KIAA0825: variants seen among roughly 807,000 people sequenced by gnomAD.
KIAA0825 encodes the protein uncharacterized protein KIAA0825.
In KIAA0825, 119 loss-of-function variants were observed where a neutral mutation model predicts 147.6. The observed-to-expected ratio is 0.81, with a 90% confidence interval of 0.69 to 0.94. The LOEUF is 0.94. Ranked by LOEUF, KIAA0825 falls within the 40% of genes least tolerant of loss-of-function variation. KIAA0825 has a pLI of 0.00. For missense variants in KIAA0825, 1,381 were observed against 1,472.7 expected, an observed-to-expected ratio of 0.94 and a Z score of 1.02; for synonymous variants, 470 against 518.1, an observed-to-expected ratio of 0.91 and a Z score of 1.26.
At chr5:94,403,975 T>C (rs1034761598) in intron 15 of KIAA0825, among the ~76,000 whole-genome samples, 182 bp from the exon 16 acceptor site, 1 of 152,150 alleles carries the variant, frequency 6.6e-6, no homozygotes, top group African/African-American at 2.4e-5. Context: ...AGATTCTTCT[T>C]CTTTGTAATA....
chr5:94,231,192 A>T (rs533622887), intron 20 of KIAA0825, among the ~76,000 whole-genome samples: 1 of 152,312 alleles, frequency 6.6e-6, no homozygotes, highest in East Asian at 1.9e-4. Flanking sequence ...TAAAAAGGTC[A>T]TAACATTAAT....
At chr5:94,416,490 T>C (rs1753483601) in intron 15 of KIAA0825, 1 of 152,280 alleles carries the variant, frequency 6.6e-6, no homozygotes, top group East Asian at 1.9e-4. Flanking sequence ...AATAGCAGGA[T>C]AATAATAAAA....
At chr5:94,212,764 A>AT in intron 20 of KIAA0825, among the ~76,000 whole-genome samples, 1 of 152,276 alleles carries the variant, frequency 6.6e-6, no homozygotes, top group East Asian at 1.9e-4. Flanking sequence ...AGGAGTCATT[A>AT]TCTTTATTAT....
chr5:94,273,588 A>G (rs1777086626), intron 20 of KIAA0825, among the ~76,000 whole-genome samples: 1 of 152,080 alleles, frequency 6.6e-6, no homozygotes, highest in Admixed American at 6.6e-5. Flanking sequence ...CAGTGTCCCA[A>G]ATAGAATAGT....
At chr5:94,338,661 C>G (rs1373546648) in intron 20 of KIAA0825, among the ~76,000 whole-genome samples, 2 of 152,136 alleles carry the variant, frequency 1.3e-5, no homozygotes, top group Non-Finnish European at 2.9e-5. Flanking sequence ...AGTACAGACA[C>G]ATGCTGTACA....
At chr5:94,216,015 C>T (rs1380527830) in intron 20 of KIAA0825, among the ~76,000 whole-genome samples, 4 of 152,154 alleles carry the variant, frequency 2.6e-5, no homozygotes, top group Non-Finnish European at 5.9e-5. Flanking sequence ...CCCACTTCCT[C>T]TTCCTGATGA....
At chr5:94,332,160 C>CAAAAAA (rs34035583) in intron 20 of KIAA0825, among the ~76,000 whole-genome samples, 19 of 93,848 alleles carry the variant, frequency 2.0e-4, no homozygotes, top group South Asian at 4.0e-4. Flanking sequence ...GACTCCATCT[C>CAAAAAA]AAAAAAAAAA....
At chr5:94,184,601 A>G (rs1380212859) in intron 20 of KIAA0825, among the ~76,000 whole-genome samples, 1 of 152,170 alleles carries the variant, frequency 6.6e-6, no homozygotes, top group East Asian at 1.9e-4. Context: ...AACCTCCTAT[A>G]CTTTATAGAT....
chr5:94,347,555 A>G (rs551186473), intron 20 of KIAA0825, among the ~76,000 whole-genome samples: 13 of 152,296 alleles, frequency 8.5e-5, no homozygotes, highest in Admixed American at 7.8e-4. Flanking sequence ...AGAGACAACA[A>G]TCACTGCAGT....
chr5:94,483,503 C>T (rs1264686584), intron 6 of KIAA0825, among the ~76,000 whole-genome samples: 1 of 151,814 alleles, frequency 6.6e-6, no homozygotes, highest in East Asian at 1.9e-4. Flanking sequence ...TGTTTGACCT[C>T]ACAGTCAAAC....
In KIAA0825 at chr5:94,490,811, G is replaced by A. The variant is rs139988722; in HGVS notation, c.971-5881C>T. ...TAAAGGTGTTAAATGTTAGTTATAC[G>A]TAGTTCAAGTATTAACCCCATTCTC... On this transcript the variant is annotated intron_variant, in intron 5 of 20. Coordinates refer to ENST00000682413, the MANE Select transcript of KIAA0825 (RefSeq NM_001145678.3). Among the ~76,000 whole-genome samples the A allele has an allele frequency of 1.4e-3, 220 of 152,194 alleles. 1 individual carries two copies. In the Middle Eastern group the frequency reaches 0.02, roughly 14 times the overall value.
At chr5:94,603,680 C>A (rs1218126730) in intron 1 of KIAA0825, among the ~76,000 whole-genome samples, 1 of 152,146 alleles carries the variant, frequency 6.6e-6, no homozygotes, top group Admixed American at 6.5e-5. Context: ...GCAAGAAACC[C>A]ATCTCACATG....
chr5:94,383,503 C>G (rs543326348), intron 20 of KIAA0825, among the ~76,000 whole-genome samples: 1 of 152,170 alleles, frequency 6.6e-6, no homozygotes, highest in East Asian at 1.9e-4. Flanking sequence ...CATTCTATGT[C>G]ACAAAGATCA....
intron 5 of KIAA0825, among the ~76,000 whole-genome samples, chr5:94,500,106 G>A (rs944196971): frequency 6.6e-6 from 1 of 152,178 alleles, no homozygotes; most frequent in Non-Finnish European, 1.5e-5. Flanking sequence ...TGAAAAATAT[G>A]AGGTGGGGAG....
At chr5:94,512,252 C>T (rs1766591606) in intron 5 of KIAA0825, among the ~76,000 whole-genome samples, 1 of 151,644 alleles carries the variant, frequency 6.6e-6, no homozygotes, top group South Asian at 2.1e-4. Flanking sequence ...TCTTCTTGAA[C>T]ATTTATGAAA....
chr5:94,508,528 A>AT (rs1766048437), intron 5 of KIAA0825, among the ~76,000 whole-genome samples: 1 of 151,954 alleles, frequency 6.6e-6, no homozygotes, highest in Non-Finnish European at 1.5e-5. Context: ...GTTTTAGAAT[A>AT]TGAAAAAAAA....
chr5:94,534,203 A>T (rs1193175716), intron 3 of KIAA0825, among the ~76,000 whole-genome samples: 1 of 152,232 alleles, frequency 6.6e-6, no homozygotes, highest in Non-Finnish European at 1.5e-5. Flanking sequence ...CAAAAATGCC[A>T]AGGGTAATTC....
intron 20 of KIAA0825, among the ~76,000 whole-genome samples, chr5:94,275,900 C>G (rs142258021): frequency 2.7e-4 from 41 of 152,236 alleles, no homozygotes; most frequent in South Asian, 2.3e-3. Flanking sequence ...AACAAATTAA[C>G]TATGGCGCTG....
rs555689334 is a variant in KIAA0825 at position 94,601,175 on chromosome 5, A to G, written c.-153+17325T>C. On this transcript the variant is annotated intron_variant, in intron 1 of 20. Transcript: ENST00000682413. The stretch of plus-strand genomic sequence containing the variant: ...ACCTCCTGCATGTACATTTGGGCCA[A>G]TAACAGGTCTGTACCCCTTGGGACA... Among the ~76,000 whole-genome samples the G allele has an allele frequency of 2.0e-5, 3 of 152,298 alleles. No homozygotes were observed. The South Asian group carries it at 6.2e-4, about 32-fold the overall frequency.
Sources: gnomAD v4.1 joint callset for allele counts (sites outside exome capture counted in the v4.1 genomes callset) on GRCh38, gnomAD v4.1.1 for gene constraint, MANE v1.5 for transcripts, NCBI Gene and HGNC (gene_info 2026-07-23, HGNC 2026-07-21) for gene names.